The following ZP2 variants were observed in gnomAD, a reference collection of about 807,000 sequenced individuals.
ZP2 encodes zona pellucida sperm-binding protein 2.
A neutral mutation model predicts 84.0 loss-of-function variants in ZP2; 51 were observed. The ratio of observed to expected loss-of-function variants is 0.61; its 90% confidence interval spans 0.49 to 0.77. The LOEUF is 0.77. Ranked by LOEUF, ZP2 falls within the 30% of genes least tolerant of loss-of-function variation. The pLI is 0.00. For missense variants in ZP2, 909 were observed against 911.9 expected, an observed-to-expected ratio of 1.00 and a Z score of 0.04; for synonymous variants, 375 against 330.9, an observed-to-expected ratio of 1.13 and a Z score of -1.45.
chr16:21,210,034 TC>T, intron 3 of ZP2, 74 bp downstream of exon 3: 1 of 1,345,322 alleles, frequency 7.4e-7, no homozygotes, highest in Non-Finnish European at 1.1e-6. Context: ...GGTACTCTGC[TC>T]CCCAAACAGG....
intron 4 of ZP2, among the ~76,000 whole-genome samples, chr16:21,207,907 AAAAC>A (rs562874299): frequency 6.5e-4 from 99 of 152,112 alleles, no homozygotes; most frequent in Non-Finnish European, 9.1e-4. Flanking sequence ...AACCAAAACA[AAAAC>A]AAACAAAAAC....
chr16:21,202,740 A>T (rs2093231761), intron 10 of ZP2, among the ~76,000 whole-genome samples: 1 of 151,160 alleles, frequency 6.6e-6, no homozygotes, highest in South Asian at 2.1e-4. Flanking sequence ...ATTAAACAGA[A>T]GCACATGGTG....
At chr16:21,211,680 G>A (rs772998952), upstream of ZP2, 85 of 1,563,328 alleles carry the variant, frequency 5.4e-5, no homozygotes, top group Non-Finnish European at 6.6e-5. Context: ...CAGCTGAAAC[G>A]GAAGGATTGG....
At chr16:21,201,258 T>A in intron 14 of ZP2, 111 bp downstream of exon 14, 1 of 951,878 alleles carries the variant, frequency 1.1e-6, no homozygotes, top group Non-Finnish European at 1.5e-6. Flanking sequence ...AAGGACTAAA[T>A]CTGGATCTCA....
At chr16:21,210,914 T>A (rs1181633675) in intron 2 of ZP2, among the ~76,000 whole-genome samples, 7 of 150,952 alleles carry the variant, frequency 4.6e-5, no homozygotes, top group Non-Finnish European at 1.5e-5. Flanking sequence ...GTTTTGCCCA[T>A]CATCTGCTAC....
rs780248419 is a variant in ZP2, at chr16:21,197,589, C to G, written c.2129G>C (p.Gly710Ala). The G allele has an allele frequency of 6.2e-7, 1 of 1,614,200 alleles. No individual in the cohort carries two copies. Among genetic ancestry groups the G allele is most frequent in the South Asian group, 1.1e-5 (1 of 91,080 alleles). The part of the protein sequence containing the change: ...AMDTKGHKTA[G>A]DVGSKAVAAV... ...AGCCACAGCTTTGGAACCAACATCTCCAGCAGTCTTGTGCCCTTTGGTGTC... is the reference window on the plus strand; with the variant it reads ...AGCCACAGCTTTGGAACCAACATCTGCAGCAGTCTTGTGCCCTTTGGTGTC... The change falls in exon 19 of 19, where the codon GGA becomes GCA. Residue 710 changes from glycine to alanine, a missense_variant. By Grantham distance (60) the Gly-to-Ala change is moderately conservative (BLOSUM62 0). Coordinates refer to ENST00000574091, the MANE Select transcript of ZP2 (RefSeq NM_001376232.1).
rs758938301 is a variant in ZP2, at chr16:21,205,492, G to A, written c.621C>T (p.Phe207=). 2.5e-6 allele frequency: 4 copies of A among 1,614,096 alleles called. No homozygotes were observed. The highest frequency in any genetic ancestry group is 2.2e-5 in the South Asian group (2 of 91,074). The change falls in exon 7 of 19, where the codon TTC becomes TTT. Residue 207 remains phenylalanine, a synonymous_variant. Transcript: ENST00000574091. ...TCCTGTGGTTGTCAATCAAGAGGCT[G>A]AAGCCTTCCTTCATGGCCTCTGGCA... ...LTLPEAMKEG[F]SLLIDNHRMT...
intron 16 of ZP2, among the ~76,000 whole-genome samples, chr16:21,199,127 C>T (rs1451487666): frequency 6.6e-6 from 1 of 151,772 alleles, no homozygotes; most frequent in Non-Finnish European, 1.5e-5. Flanking sequence ...ACCAGCCTGG[C>T]CTGGCCAACA....
intron 2 of ZP2, 24 bp downstream of exon 2, chr16:21,211,283 A>C: frequency 6.2e-7 from 1 of 1,608,342 alleles, no homozygotes; most frequent in Non-Finnish European, 8.5e-7. Context: ...TGCTAAGAAG[A>C]CTTCTGTCAC....
intron 14 of ZP2, 43 bp from the exon 15 acceptor site, chr16:21,199,921 T>TCCA: frequency 6.2e-7 from 1 of 1,607,802 alleles, no homozygotes; most frequent in African/African-American, 1.3e-5. Flanking sequence ...CATATGCATC[T>TCCA]TGGAGTCAAA....
intron 2 of ZP2, among the ~76,000 whole-genome samples, chr16:21,210,713 T>A (rs747646539): frequency 1.2e-4 from 18 of 152,084 alleles, no homozygotes; most frequent in Admixed American, 8.5e-4. Flanking sequence ...TAGCTGGGAT[T>A]ACATGTGCCC....
chr16:21,201,672 C>A, intron 13 of ZP2, 34 bp downstream of exon 13: 1 of 1,613,772 alleles, frequency 6.2e-7, no homozygotes, highest in East Asian at 2.2e-5. Context: ...AGTTTGAGAT[C>A]ATTTAAGCAA....
At position 21,198,830 on chromosome 16, in the gene ZP2, C is replaced by A. The variant is rs1567211352; in HGVS notation, c.1960G>T (p.Val654Phe). Reference sequence around the variant, plus strand: ...AGGAGAATGGGTCCTGGGAGGCTGACTGTCATTTTCTCTGCTTCAGTGGCC... The same window carrying A: ...AGGAGAATGGGTCCTGGGAGGCTGAATGTCATTTTCTCTGCTTCAGTGGCC... ...TGATEAEKMT[V>F]SLPGPILLLS... Residue 654 changes from valine (V) to phenylalanine (F), a missense_variant, in exon 17 of 19, where the codon GTC becomes TTC. Physicochemically the swap from Val to Phe is conservative, Grantham distance 50. Transcript: ENST00000574091. The A allele has an allele frequency of 6.2e-7, 1 of 1,614,040 alleles. No homozygotes were observed. The highest frequency in any genetic ancestry group is 2.2e-5 in the East Asian group (1 of 44,880).
At chr16:21,198,758 C>CT in intron 17 of ZP2, 21 bp downstream of exon 17, 1 of 1,610,484 alleles carries the variant, frequency 6.2e-7, no homozygotes, top group Non-Finnish European at 8.5e-7. Context: ...CCAGGAAGTA[C>CT]TCCAGGCTTT....
At chr16:21,198,169 C>T (rs936154418) in intron 17 of ZP2, among the ~76,000 whole-genome samples, 7 of 146,062 alleles carry the variant, frequency 4.8e-5, no homozygotes, top group African/African-American at 1.5e-4. Context: ...CTGAGGCAGG[C>T]GGATCACTTG....
chr16:21,211,296 A>G lies in ZP2; in HGVS notation c.151+11T>C, dbSNP rs777741985. ...TCTGCTAAGAAGACTTCTGTCACCCAAGAGACATACCTGGAAAGGCAGGAT... is the reference window on the plus strand; with the variant it reads ...TCTGCTAAGAAGACTTCTGTCACCCGAGAGACATACCTGGAAAGGCAGGAT... On this transcript the variant is annotated intron_variant, in intron 2 of 18. Transcript: ENST00000574091. 6.2e-7 allele frequency: 1 copy of G among 1,612,806 alleles called. No homozygotes were observed. Among genetic ancestry groups the G allele is most frequent in the Non-Finnish European group, 8.5e-7 (1 of 1,178,812 alleles).
chr16:21,213,534 C>T (rs2152857246), upstream of ZP2, among the ~76,000 whole-genome samples: 1 of 152,276 alleles, frequency 6.6e-6, no homozygotes, highest in African/African-American at 2.4e-5. Context: ...TTCCAGGGTC[C>T]CACCCAAAAG....
Position 21,197,778 on chromosome 16 carries a change from C to T in ZP2, c.2083G>A (p.Val695Ile), listed in dbSNP as rs375244239. ...EKSRSETGEE[V>I]GSRGAMDTKG... ...TGAATAAACTTACCTCGTGAGCCAACCTCCTCCCCTGTTTCACTCCTACTC... is the reference window on the plus strand; with the variant it reads ...TGAATAAACTTACCTCGTGAGCCAATCTCCTCCCCTGTTTCACTCCTACTC... Residue 695 changes from valine to isoleucine, a missense_variant, in exon 18 of 19, where the codon GTT becomes ATT. Val to Ile is a conservative substitution (Grantham distance 29, BLOSUM62 3). Transcript: ENST00000574091. The T allele has an allele frequency of 1.2e-6, 2 of 1,614,184 alleles. No individual in the cohort carries two copies. The highest frequency in any genetic ancestry group is 1.7e-6 in the Non-Finnish European group (2 of 1,180,028).
In ZP2 at chr16:21,199,868, C is replaced by G. The variant is rs1429366295; in HGVS notation, c.1705G>C (p.Asp569His). The change falls in exon 15 of 19, where the codon GAC (aspartate) becomes CAC (histidine). Residue 569 changes from aspartate (D) to histidine (H), a missense_variant. Transcript: ENST00000574091. Reference sequence around the variant, plus strand: ...AAGGTGGTCTGGTAGTTGTCCAGGTCATATGCACAGCTAGGAGGTATGCAC... The same window carrying G: ...AAGGTGGTCTGGTAGTTGTCCAGGTGATATGCACAGCTAGGAGGTATGCAC... ...WNVVVDGCAY[D>H]LDNYQTTFHP... 3 of 1,612,502 alleles carry G rather than the reference C, an allele frequency of 1.9e-6. No individual in the cohort carries two copies. Among genetic ancestry groups the G allele is most frequent in the Non-Finnish European group, 2.5e-6 (3 of 1,179,988 alleles).
Sources: gnomAD v4.1 joint callset for allele counts (sites outside exome capture counted in the v4.1 genomes callset) on GRCh38, gnomAD v4.1.1 for gene constraint, MANE v1.5 for transcripts, NCBI Gene and HGNC (gene_info 2026-07-23, HGNC 2026-07-21) for gene names.